Variants in HAND2 observed in about 807,000 individuals in gnomAD.
HAND2 encodes heart- and neural crest derivatives-expressed protein 2.
Under a neutral mutation model 14.7 loss-of-function variants are expected in HAND2, and 2 were observed. The observed-to-expected ratio is 0.14, with a 90% CI of 0.06 to 0.43. The LOEUF (loss-of-function observed/expected upper bound fraction) is 0.43. Among genes scored for constraint, HAND2 ranks in the 20% least tolerant of loss-of-function variants. The probability of loss-of-function intolerance (pLI) is 0.99; values close to 1 mark genes in which losing one functional copy is unlikely to be tolerated. For missense variants in HAND2, 275 were observed against 313.6 expected (o/e 0.88, Z 0.93); for synonymous variants, 162 against 135.9 (o/e 1.19, Z -1.34).
intron 1 of HAND2, 141 bp from the exon 2 acceptor site, chr4:173,527,516 C>T: frequency 1.4e-6 from 1 of 731,204 alleles, no homozygotes; most frequent in South Asian, 1.4e-5. Context: ...GAGTCCCAGC[C>T]CCTGCAGAGA....
Position 173,527,242 on chromosome 4 carries a change from C to A in HAND2, c.*35G>T. The A allele has an allele frequency of 6.9e-7, 1 of 1,448,662 alleles. No individual in the cohort carries two copies. The highest frequency in any genetic ancestry group is 1.1e-5 in the South Asian group (1 of 88,048). 89.7% of individuals were successfully genotyped at this position (1,448,662 alleles called of 1,614,324 possible). On this transcript the variant is annotated 3_prime_UTR_variant, in exon 2 of 2. Transcript: ENST00000359562. ...TGCATCTGGCGCCTTGGCCCCTGCT[C>A]ACTCGCGCTCTCCTCCTCCTCCTTC... is the stretch of plus-strand genomic sequence containing the variant.
At position 173,529,011 on chromosome 4, in the gene HAND2, C is replaced by T. The variant is rs1731601120; in HGVS notation, c.279G>A (p.Gly93=). The change falls in exon 1 of 2, where the codon GGG becomes GGA. Residue 93 remains glycine (G), a synonymous_variant. Coordinates refer to ENST00000359562, the MANE Select transcript of HAND2 (RefSeq NM_021973.3). ...CTCGGCGCTTCACCGGGCGCGGCCC[C>T]CCCAGGCCCGGGGGCCCGGCGCCCG... ...VPPGAGPPGL[G]GPRPVKRRGT... 1 of 1,593,810 alleles carries T rather than the reference C, an allele frequency of 6.3e-7. No homozygotes were observed. The highest frequency in any genetic ancestry group is 1.4e-5 in the African/African-American group (1 of 73,454).
Position 173,528,622 on chromosome 4 carries a change from G to A in HAND2, c.555+113C>T. 7.6e-7 allele frequency: 1 copy of A among 1,313,210 alleles called. No homozygotes were observed. The highest frequency in any genetic ancestry group is 1.3e-5 in the South Asian group (1 of 78,116). The allele number at this position is 1,313,210 out of a possible 1,614,324, so 81.3% of individuals were successfully genotyped here. On this transcript the variant is annotated intron_variant, in intron 1 of 1. Coordinates refer to ENST00000359562, the MANE Select transcript of HAND2 (RefSeq NM_021973.3). The surrounding 1 kb of genome is among the most constrained non-coding windows in gnomAD (Gnocchi z 5.6). ...AACCTGGTGCAAACAACCTTGAAGC[G>A]GGACGCAGCCAAAGAACACGAGATG...
chr4:173,527,079 G>A lies in HAND2; in HGVS notation c.*198C>T, dbSNP rs181585513. 5 of 696,846 alleles carry A rather than the reference G, an allele frequency of 7.2e-6. No homozygotes were observed. Among genetic ancestry groups the A allele is most frequent in the Middle Eastern group, 2.3e-4 (1 of 4,342 alleles). The allele number at this position is 696,846 out of a possible 1,614,324, so 43.2% of individuals were successfully genotyped here. On this transcript the variant is annotated 3_prime_UTR_variant, in exon 2 of 2. Transcript: ENST00000359562. The stretch of plus-strand genomic sequence containing the variant: ...TTCTTCAAATATCCACTTTTTTTTT[G>A]GAGGGGGAGACGGGGAGCAGATGCC...
rs756064749 is a variant in HAND2, at chr4:173,529,042, A to AC, written c.247dup (p.Val83GlyfsTer260). 9 of 1,488,340 alleles carry AC rather than the reference A, an allele frequency of 6.0e-6. No homozygotes were observed. The highest frequency in any genetic ancestry group is 1.4e-5 in the South Asian group (1 of 72,550). 92.2% of individuals were successfully genotyped at this position (1,488,340 alleles called of 1,614,324 possible). On this transcript the variant is annotated frameshift_variant, in exon 1 of 2. Coordinates refer to ENST00000359562, the MANE Select transcript of HAND2 (RefSeq NM_021973.3). LOFTEE classifies it high-confidence loss of function. ...GCCCGGGGGCCCGGCGCCCGGCGGC[A>AC]CCCCCCCGTAATGGGAGTGGTCCAG...
At position 173,527,342 on chromosome 4, in the gene HAND2, C is replaced by G. The variant is rs1353144419; in HGVS notation, c.589G>C (p.Asp197His). 4.3e-6 allele frequency: 7 copies of G among 1,613,772 alleles called. No homozygotes were observed. In the Admixed American group the frequency reaches 1.2e-4, roughly 27 times the overall value. Residue 197 changes from aspartate (D) to histidine (H), a missense_variant, in exon 2 of 2, where the codon GAC (aspartate) becomes CAC (histidine). Transcript: ENST00000359562. ...EILKSTVSSNDKKTKGRTGWP... is the reference protein window; with the variant it reads ...EILKSTVSSNHKKTKGRTGWP... ...CCCGTCCGGCCTTTGGTTTTCTTGT[C>G]GTTGCTGCTCACTGTGCTTTTCAAG...
Position 173,528,924 on chromosome 4 carries a change from C to A in HAND2, c.366G>T (p.Leu122=). Residue 122 remains leucine, a synonymous_variant, in exon 1 of 2, where the codon CTG becomes CTT. Transcript: ENST00000359562. This position sits in a 1 kb window ranked among gnomAD's most constrained non-coding sequence, Gnocchi z 5.6. The stretch of plus-strand genomic sequence containing the variant: ...CGGGTACGTTGGGGATGCACTCGCG[C>A]AGTTCGGCGAAGGCGCTGTTGATGC... ...TQSINSAFAE[L]RECIPNVPAD... The A allele has an allele frequency of 6.2e-7, 1 of 1,614,040 alleles. No homozygotes were observed. The highest frequency in any genetic ancestry group is 1.1e-5 in the South Asian group (1 of 91,078).
rs1731454759 is a variant in HAND2 at position 173,526,494 on chromosome 4, G to A, written c.*783C>T. The A allele has an allele frequency of 6.3e-6, 1 of 157,618 alleles. No individual in the cohort carries two copies. Among genetic ancestry groups the A allele is most frequent in the Non-Finnish European group, 1.4e-5 (1 of 71,366 alleles). 9.8% of individuals were successfully genotyped at this position (157,618 alleles called of 1,614,324 possible). A position where few individuals can be genotyped will look rare whatever the true frequency, so the allele number is the denominator to read the frequency against. On this transcript the variant is annotated 3_prime_UTR_variant, in exon 2 of 2. Transcript: ENST00000359562. ...CCACTGAGTCTTTAAAATAAAGTTA[G>A]AGGCAATCATGATAATTTAGTTTAC...
chr4:173,529,928 G>A lies in HAND2; in HGVS notation c.-639C>T, dbSNP rs1465375110. ...GCTTATTGTTTTAATGAAATTTTTG[G>A]TTGTTGTTGTTTTGGTCCTTAAATG... On this transcript the variant is annotated 5_prime_UTR_variant, in exon 1 of 2. Transcript: ENST00000359562. 6.6e-6 allele frequency: 1 copy of A among 152,064 alleles called. No individual in the cohort carries two copies. Among genetic ancestry groups the A allele is most frequent in the Non-Finnish European group, 1.5e-5 (1 of 68,038 alleles). The allele number at this position is 152,064 out of a possible 1,614,324, so 9.4% of individuals were successfully genotyped here.
Position 173,528,786 on chromosome 4 carries a change from C to A in HAND2, c.504G>T (p.Lys168Asn), listed in dbSNP as rs776061276. Residue 168 changes from lysine (K) to asparagine (N), a missense_variant, in exon 1 of 2, where the codon AAG (lysine) becomes AAT (asparagine). Transcript: ENST00000359562. The surrounding 1 kb of genome is among the most constrained non-coding windows in gnomAD (Gnocchi z 5.6). Reference sequence around the variant, plus strand: ...TCACGTCGGTCTTCTTGATCTCTGCCTTGAAGGCCTCCGCCTCGCCATTCT... The same window carrying A: ...TCACGTCGGTCTTCTTGATCTCTGCATTGAAGGCCTCCGCCTCGCCATTCT... Reference protein sequence around the residue: ...DDQNGEAEAFKAEIKKTDVKE... With the variant: ...DDQNGEAEAFNAEIKKTDVKE... 3.1e-6 allele frequency: 5 copies of A among 1,614,104 alleles called. No individual in the cohort carries two copies. The highest frequency in any genetic ancestry group is 3.4e-6 in the Non-Finnish European group (4 of 1,180,032).
chr4:173,529,921 A>C lies in HAND2; in HGVS notation c.-632T>G, dbSNP rs1731660409. The C allele has an allele frequency of 6.6e-6, 1 of 151,588 alleles. No individual in the cohort carries two copies. Among genetic ancestry groups the C allele is most frequent in the Non-Finnish European group, 1.5e-5 (1 of 67,950 alleles). 9.4% of individuals were successfully genotyped at this position (151,588 alleles called of 1,614,324 possible). On this transcript the variant is annotated 5_prime_UTR_variant, in exon 1 of 2. Transcript: ENST00000359562. ...CTTGGGCGCTTATTGTTTTAATGAA[A>C]TTTTTGGTTGTTGTTGTTTTGGTCC... is the stretch of plus-strand genomic sequence containing the variant.
Position 173,529,012 on chromosome 4 carries a change from C to T in HAND2, c.278G>A (p.Gly93Glu). 2 of 1,593,546 alleles carry T rather than the reference C, an allele frequency of 1.3e-6. No homozygotes were observed. The highest frequency in any genetic ancestry group is 1.7e-6 in the Non-Finnish European group (2 of 1,172,668). ...VPPGAGPPGL[G>E]GPRPVKRRGT... is the part of the protein sequence containing the mutation. ...TCGGCGCTTCACCGGGCGCGGCCCC[C>T]CCAGGCCCGGGGGCCCGGCGCCCGG... The change falls in exon 1 of 2, where the codon GGG becomes GAG. Residue 93 changes from glycine to glutamate, a missense_variant. By Grantham distance (98) the Gly-to-Glu change is moderately conservative. Around this residue, in one of 4 missense-constraint regions of HAND2, gnomAD observed 175 missense variants for 157.1 expected, o/e 1.11. Transcript: ENST00000359562.
Position 173,529,393 on chromosome 4 carries a change from C to T in HAND2, c.-104G>A. On this transcript the variant is annotated 5_prime_UTR_variant, in exon 1 of 2. The change creates a new upstream start codon in the 5' untranslated region. Coordinates refer to ENST00000359562, the MANE Select transcript of HAND2 (RefSeq NM_021973.3). ...GCTCGGCGTCCTCCCCCACCCCCCA[C>T]CCCCCAGCCCCCGGGCGCCCGGGCC... The T allele has an allele frequency of 1.2e-6, 1 of 810,470 alleles. No individual in the cohort carries two copies. The allele number at this position is 810,470 out of a possible 1,614,324, so 50.2% of individuals were successfully genotyped here.
Position 173,528,460 on chromosome 4 carries a change from A to C in HAND2, c.555+275T>G. 2.1e-6 allele frequency: 1 copy of C among 486,926 alleles called. No individual in the cohort carries two copies. The highest frequency in any genetic ancestry group is 3.8e-6 in the Non-Finnish European group (1 of 265,914). 30.2% of individuals were successfully genotyped at this position (486,926 alleles called of 1,614,324 possible). On this transcript the variant is annotated intron_variant, in intron 1 of 1. Coordinates refer to ENST00000359562, the MANE Select transcript of HAND2 (RefSeq NM_021973.3). The surrounding 1 kb of genome is among the most constrained non-coding windows in gnomAD (Gnocchi z 5.6). ...CGATCGATCGCGACCCAGAGTTTTCAAGGTCCGTCCTAAGTACTAGGGGAG... is the reference window on the plus strand; with the variant it reads ...CGATCGATCGCGACCCAGAGTTTTCCAGGTCCGTCCTAAGTACTAGGGGAG...
In HAND2 at chr4:173,526,876, A is replaced by G. The variant is rs746694301; in HGVS notation, c.*401T>C. On this transcript the variant is annotated 3_prime_UTR_variant, in exon 2 of 2. Coordinates refer to ENST00000359562, the MANE Select transcript of HAND2 (RefSeq NM_021973.3). ...TCCAAAGGCCAAGTATTAAAGATAC[A>G]CTTCACAAACGCACTAGTGCCCACT... is the stretch of plus-strand genomic sequence containing the variant. 2.3e-6 allele frequency: 1 copy of G among 440,790 alleles called. No homozygotes were observed. The highest frequency in any genetic ancestry group is 4.5e-6 in the Non-Finnish European group (1 of 220,172). 27.3% of individuals were successfully genotyped at this position (440,790 alleles called of 1,614,324 possible). A position where few individuals can be genotyped will look rare whatever the true frequency, so the allele number is the denominator to read the frequency against.
At position 173,528,626 on chromosome 4, in the gene HAND2, C is replaced by T. The variant is rs1222278790; in HGVS notation, c.555+109G>A. On this transcript the variant is annotated intron_variant, in intron 1 of 1. Coordinates refer to ENST00000359562, the MANE Select transcript of HAND2 (RefSeq NM_021973.3). The surrounding 1 kb of genome is among the most constrained non-coding windows in gnomAD (Gnocchi z 5.6). ...TGGTGCAAACAACCTTGAAGCGGGA[C>T]GCAGCCAAAGAACACGAGATGCCAT... 4.0e-5 allele frequency: 54 copies of T among 1,345,584 alleles called. No individual in the cohort carries two copies. Among genetic ancestry groups the T allele is most frequent in the Non-Finnish European group, 5.1e-5 (50 of 973,044 alleles). The allele number at this position is 1,345,584 out of a possible 1,614,324, so 83.4% of individuals were successfully genotyped here. A position where few individuals can be genotyped will look rare whatever the true frequency, so the allele number is the denominator to read the frequency against.
chr4:173,527,184 G>T lies in HAND2; in HGVS notation c.*93C>A. On this transcript the variant is annotated 3_prime_UTR_variant, in exon 2 of 2. Transcript: ENST00000359562. ...TCCAAATGCAAGGAGTCCTCAGAGC[G>T]GAGCGCGGACGGCTTTTCCGGAGTC... The T allele has an allele frequency of 1.2e-6, 1 of 823,910 alleles. No homozygotes were observed. The allele number at this position is 823,910 out of a possible 1,614,324, so 51.0% of individuals were successfully genotyped here.
Position 173,529,025 on chromosome 4 carries a change from G to A in HAND2, c.265C>T (p.Pro89Ser), listed in dbSNP as rs1433031333. 5 of 1,504,622 alleles carry A rather than the reference G, an allele frequency of 3.3e-6. No individual in the cohort carries two copies. 93.2% of individuals were successfully genotyped at this position (1,504,622 alleles called of 1,614,324 possible). ...GGGCGCGGCCCCCCCAGGCCCGGGG[G>A]CCCGGCGCCCGGCGGCACCCCCCCG... is the stretch of plus-strand genomic sequence containing the variant. Reference protein sequence around the residue: ...HYGGVPPGAGPPGLGGPRPVK... With the variant: ...HYGGVPPGAGSPGLGGPRPVK... The change falls in exon 1 of 2, where the codon CCC becomes TCC. Residue 89 changes from proline (P) to serine (S), a missense_variant. Pro to Ser is a moderately conservative substitution (Grantham distance 74). Around this residue, in one of 4 missense-constraint regions of HAND2, gnomAD observed 175 missense variants for 157.1 expected, o/e 1.11. Coordinates refer to ENST00000359562, the MANE Select transcript of HAND2 (RefSeq NM_021973.3).
chr4:173,529,966 C>G lies in HAND2; in HGVS notation c.-677G>C, dbSNP rs1449729464. On this transcript the variant is annotated 5_prime_UTR_variant, in exon 1 of 2. Transcript: ENST00000359562. ...TGGTCCTTAAATGTGATTTTAGCTGCGAGTAACGTGTCCTCGCTCCTCTCG... is the reference window on the plus strand; with the variant it reads ...TGGTCCTTAAATGTGATTTTAGCTGGGAGTAACGTGTCCTCGCTCCTCTCG... The G allele has an allele frequency of 2.6e-5, 4 of 151,840 alleles. No homozygotes were observed. Among genetic ancestry groups the G allele is most frequent in the African/African-American group, 9.7e-5 (4 of 41,316 alleles). 9.4% of individuals were successfully genotyped at this position (151,840 alleles called of 1,614,324 possible).
Sources: allele counts gnomAD v4.1 joint callset, GRCh38; gene constraint gnomAD v4.1.1; regional missense constraint gnomAD v4.1.1; non-coding constraint Gnocchi (gnomAD v3.1); transcripts MANE v1.5; gene names NCBI Gene and HGNC (gene_info 2026-07-23, HGNC 2026-07-21).